Variants in LLGL2 observed in about 807,000 individuals in gnomAD.
The protein encoded by LLGL2 is LLGL scribble cell polarity complex component 2, also known as LLGL2, scribble cell polarity complex component.
Under a neutral mutation model 123.2 loss-of-function variants are expected in LLGL2, and 81 were observed. The observed-to-expected ratio is 0.66, with a 90% CI of 0.55 to 0.79. The LOEUF (loss-of-function observed/expected upper bound fraction) is 0.79, where lower values mean the gene tolerates loss of function less well. Among genes scored for constraint, LLGL2 ranks in the 30% least tolerant of loss-of-function variants. The pLI is 0.00. For missense variants in LLGL2, 1,273 were observed against 1,414.6 expected, an observed-to-expected ratio of 0.90 and a Z score of 1.61; for synonymous variants, 577 against 594.1, an observed-to-expected ratio of 0.97 and a Z score of 0.42.
chr17:75,574,702 C>T (rs746891607), intron 25 of LLGL2, 34 bp downstream of exon 25: 10 of 1,605,840 alleles, frequency 6.2e-6, no homozygotes, highest in East Asian at 4.5e-5. Flanking sequence ...AGCTGCCAAC[C>T]GTGCTGGGAA....
At position 75,564,992 on chromosome 17, in the gene LLGL2, AC is replaced by A. The variant is rs2055384703; in HGVS notation, c.1036+488del. ...CAGCTCCTTTCTCTGCCTCCCTGCC[AC>A]CCTCCCCAGCTAGAGACCCAGCCCA... On this transcript the variant is annotated intron_variant, in intron 10 of 25. Coordinates refer to ENST00000392550, the MANE Select transcript of LLGL2 (RefSeq NM_001031803.2). This position sits in a 1 kb window ranked among gnomAD's most constrained non-coding sequence, Gnocchi z 4.9. Among the ~76,000 whole-genome samples, 1 of 150,932 alleles carries A rather than the reference AC, an allele frequency of 6.6e-6. No individual in the cohort carries two copies. Among genetic ancestry groups the A allele is most frequent in the South Asian group, 2.1e-4 (1 of 4,764 alleles).
rs1423319240 is a variant in LLGL2 at position 75,571,119 on chromosome 17, G to A, written c.2176+19G>A. ...AAGGACAGTGAGTGGCCAGCCTGGGGTTGGGGGGCAGGGGGTAGTGGGCAG... is the reference window on the plus strand; with the variant it reads ...AAGGACAGTGAGTGGCCAGCCTGGGATTGGGGGGCAGGGGGTAGTGGGCAG... On this transcript the variant is annotated intron_variant, in intron 17 of 25. Coordinates refer to ENST00000392550, the MANE Select transcript of LLGL2 (RefSeq NM_001031803.2). 16 of 1,578,392 alleles carry A rather than the reference G, an allele frequency of 1.0e-5. No individual in the cohort carries two copies. The South Asian group carries it at 1.7e-4, about 16-fold the overall frequency.
chr17:75,568,722 C>T, intron 11 of LLGL2, 29 bp downstream of exon 11: 1 of 1,613,068 alleles, frequency 6.2e-7, no homozygotes. Context: ...CCAGCCCCAG[C>T]CCCACCGCAA....
At chr17:75,532,964 C>G (rs2053857368) in intron 1 of LLGL2, among the ~76,000 whole-genome samples, 1 of 152,138 alleles carries the variant, frequency 6.6e-6, no homozygotes, top group African/African-American at 2.4e-5. Flanking sequence ...TCTAGTTAAT[C>G]CCTAGTCAGT....
At chr17:75,555,629 C>T (rs1372123683) in intron 2 of LLGL2, among the ~76,000 whole-genome samples, 2 of 152,030 alleles carry the variant, frequency 1.3e-5, no homozygotes, top group Non-Finnish European at 2.9e-5. Flanking sequence ...CCCGGAGCTG[C>T]GGTGCAACCA....
chr17:75,529,144 A>T (rs1476431377), intron 1 of LLGL2, among the ~76,000 whole-genome samples: 1 of 29,670 alleles, frequency 3.4e-5, no homozygotes, highest in African/African-American at 5.0e-4. Context: ...CAATAGAGTG[A>T]GACTGTCTCA....
In LLGL2 at chr17:75,570,978, G is replaced by A. The variant is rs751836174; in HGVS notation, c.2054G>A (p.Arg685Gln). The change falls in exon 17 of 26, where the codon CGG becomes CAG. Residue 685 changes from arginine (R) to glutamine (Q), a missense_variant. Coordinates refer to ENST00000392550, the MANE Select transcript of LLGL2 (RefSeq NM_001031803.2). The part of the protein sequence containing the change: ...EAQEGSAKAE[R>Q]PGLQNMELAP... ...CAGGAGGGGAGTGCCAAGGCTGAGC[G>A]GCCAGGCCTCCAGAACATGGAGCTG... 48 of 1,612,062 alleles carry A rather than the reference G, an allele frequency of 3.0e-5. No homozygotes were observed. Among genetic ancestry groups the A allele is most frequent in the Admixed American group, 1.0e-4 (6 of 59,912 alleles).
In LLGL2 at chr17:75,574,061, G is replaced by A. The variant is rs112753782; in HGVS notation, c.2905+81G>A. The stretch of plus-strand genomic sequence containing the variant: ...GGGCTGGACGGGAGGGAAGGGTCCC[G>A]AGTGAGCAGGTAGTGTTTGGGCTGG... On this transcript the variant is annotated intron_variant, in intron 22 of 25. Transcript: ENST00000392550. 5.7e-4 allele frequency: 881 copies of A among 1,550,232 alleles called. 6 individuals are homozygous for A. The African/African-American group carries it at 9.6e-3, about 17-fold the overall frequency.
At position 75,564,337 on chromosome 17, in the gene LLGL2, C is replaced by T. The variant is rs1348501454; in HGVS notation, c.882-16C>T. 1.3e-6 allele frequency: 2 copies of T among 1,599,342 alleles called. No individual in the cohort carries two copies. Among genetic ancestry groups the T allele is most frequent in the African/African-American group, 1.3e-5 (1 of 74,970 alleles). ...CCAGGAGCCCCAGCCCACTGCCGCT[C>T]CTCTGTGCCTGCCAGGTTGCCCTTC... On this transcript the variant is annotated splice_polypyrimidine_tract_variant and intron_variant, in intron 9 of 25. Transcript: ENST00000392550. The surrounding 1 kb of genome is among the most constrained non-coding windows in gnomAD (Gnocchi z 4.9).
Position 75,559,113 on chromosome 17 carries a change from A to C in LLGL2, c.372-139A>C, listed in dbSNP as rs2055079579. 7 of 929,776 alleles carry C rather than the reference A, an allele frequency of 7.5e-6. No individual in the cohort carries two copies. Among genetic ancestry groups the C allele is most frequent in the Non-Finnish European group, 1.1e-5 (7 of 643,316 alleles). The allele number at this position is 929,776 out of a possible 1,614,324, so 57.6% of individuals were successfully genotyped here. A position where few individuals can be genotyped will look rare whatever the true frequency, so the allele number is the denominator to read the frequency against. On this transcript the variant is annotated intron_variant, in intron 5 of 25. Transcript: ENST00000392550. The surrounding 1 kb of genome is among the most constrained non-coding windows in gnomAD (Gnocchi z 4.6). ...TCTCCTGTCTTGGCAGAAAGTGACC[A>C]ATGTTTGTCCTGGCTTGAAATGTTA... is the stretch of plus-strand genomic sequence containing the variant.
intron 1 of LLGL2, chr17:75,533,783 G>A (rs939822451): frequency 6.6e-6 from 1 of 152,258 alleles, no homozygotes; most frequent in Non-Finnish European, 1.5e-5. Context: ...AGGGTAAAAA[G>A]AACTAGAGCA....
chr17:75,566,339 A>G (rs2147490987), intron 10 of LLGL2, among the ~76,000 whole-genome samples: 1 of 152,332 alleles, frequency 6.6e-6, no homozygotes, highest in Non-Finnish European at 1.5e-5. Context: ...TGTGGGGGAC[A>G]CGGAGTGGAG....
intron 10 of LLGL2, among the ~76,000 whole-genome samples, chr17:75,565,734 C>A (rs1026914841): frequency 6.6e-6 from 1 of 152,194 alleles, no homozygotes; most frequent in African/African-American, 2.4e-5. Flanking sequence ...TCCCCGCAGT[C>A]CCGCAGGCCA....
chr17:75,532,077 C>CACACACA (rs58220046), intron 1 of LLGL2, among the ~76,000 whole-genome samples: 2 of 83,996 alleles, frequency 2.4e-5, no homozygotes, highest in South Asian at 3.3e-4. Context: ...CACACACACA[C>CACACACA]TTTTTTTTTT....
At chr17:75,547,289 G>A (rs1441283354) in intron 2 of LLGL2, among the ~76,000 whole-genome samples, 4 of 152,222 alleles carry the variant, frequency 2.6e-5, no homozygotes, top group Non-Finnish European at 4.4e-5. Context: ...GGTAACTCCA[G>A]TTCACCGAGG....
At position 75,573,486 on chromosome 17, in the gene LLGL2, T is replaced by C. The variant is rs1418456239; in HGVS notation, c.2731T>C (p.Tyr911His). 6.2e-7 allele frequency: 1 copy of C among 1,608,788 alleles called. No individual in the cohort carries two copies. Among genetic ancestry groups the C allele is most frequent in the Non-Finnish European group, 8.5e-7 (1 of 1,176,592 alleles). The change falls in exon 21 of 26, where the codon TAC becomes CAC. Residue 911 changes from tyrosine (Y) to histidine (H), a missense_variant. Coordinates refer to ENST00000392550, the MANE Select transcript of LLGL2 (RefSeq NM_001031803.2). ...CVFTKYGQGFYLISPSEFERF... is the reference protein window; with the variant it reads ...CVFTKYGQGFHLISPSEFERF... The stretch of plus-strand genomic sequence containing the variant: ...GCATTGCCCCCACTCCCCAGGCTTC[T>C]ACCTGATCTCACCCTCGGAGTTTGA...
intron 2 of LLGL2, among the ~76,000 whole-genome samples, chr17:75,548,688 G>A (rs1038977955): frequency 1.7e-4 from 25 of 151,094 alleles, no homozygotes; most frequent in African/African-American, 7.3e-5. Flanking sequence ...CCTGGGAGGC[G>A]GAGGTTGCAG....
At chr17:75,570,554 G>T in intron 16 of LLGL2, 56 bp downstream of exon 16, 1 of 1,530,664 alleles carries the variant, frequency 6.5e-7, no homozygotes, top group Non-Finnish European at 8.8e-7. Context: ...GCTCAGAGCA[G>T]CCAGCAGGGG....
Position 75,557,367 on chromosome 17 carries a change from C to T in LLGL2, c.174-788C>T, listed in dbSNP as rs142824531. Among the ~76,000 whole-genome samples, 144 of 152,308 alleles carry T rather than the reference C, an allele frequency of 9.5e-4. 2 individuals carry two copies. The highest frequency in any genetic ancestry group is 2.9e-3 in the African/African-American group (121 of 41,556). ...AGGGCTCTGCCTGGCAGGGACAGTCCTTCCCCGGCCTGAGGCTGGATGTTG... is the reference window on the plus strand; with the variant it reads ...AGGGCTCTGCCTGGCAGGGACAGTCTTTCCCCGGCCTGAGGCTGGATGTTG... On this transcript the variant is annotated intron_variant, in intron 3 of 25. Transcript: ENST00000392550.
Sources: gnomAD v4.1 joint callset for allele counts (sites outside exome capture counted in the v4.1 genomes callset) on GRCh38, gnomAD v4.1.1 for gene constraint, Gnocchi (gnomAD v3.1) non-coding constraint, MANE v1.5 for transcripts, NCBI Gene and HGNC (gene_info 2026-07-23, HGNC 2026-07-21) for gene names.